ADAM10: variants seen among roughly 807,000 people sequenced by gnomAD.
The protein encoded by ADAM10 is disintegrin and metalloproteinase domain-containing protein 10.
A neutral mutation model predicts 90.1 loss-of-function variants in ADAM10; 17 were observed. The observed-to-expected ratio is 0.19, with a 90% CI of 0.13 to 0.28. The LOEUF is 0.28. Ranked by LOEUF, ADAM10 falls within the 10% of genes least tolerant of loss-of-function variation. The pLI, the probability that ADAM10 is intolerant of heterozygous loss-of-function variation, is 1.00. For synonymous variants in ADAM10, 310 were observed against 298.6 expected (o/e 1.04, Z -0.40); for missense variants, 610 against 914.3 (o/e 0.67, Z 4.29).
chr15:58,615,806 A>G (rs1356425497), intron 11 of ADAM10, among the ~76,000 whole-genome samples: 1 of 152,076 alleles, frequency 6.6e-6, no homozygotes, highest in Admixed American at 6.5e-5. Flanking sequence ...TCAGGAGTTC[A>G]AGACCAGCCT....
At position 58,657,975 on chromosome 15, in the gene ADAM10, C is replaced by G. The variant is rs556936518; in HGVS notation, c.585+7122G>C. Among the ~76,000 whole-genome samples, 4 of 151,494 alleles carry G rather than the reference C, an allele frequency of 2.6e-5. 1 individual carries two copies. The Middle Eastern group carries it at 0.014, about 519-fold the overall frequency. The stretch of plus-strand genomic sequence containing the variant: ...ATCAGAGACATTGTGGACATTTTCT[C>G]AGTCTGTGGCTTGTTTTCCTATTTT... On this transcript the variant is annotated intron_variant, in intron 5 of 15. Transcript: ENST00000260408.
chr15:58,723,247 T>A (rs1898916871), intron 1 of ADAM10, among the ~76,000 whole-genome samples: 1 of 151,340 alleles, frequency 6.6e-6, no homozygotes, highest in Admixed American at 6.6e-5. Flanking sequence ...AGAATGGGAG[T>A]CCTGGAATTC....
At chr15:58,634,314 A>AG (rs1896189146) in intron 8 of ADAM10, among the ~76,000 whole-genome samples, 1 of 147,732 alleles carries the variant, frequency 6.8e-6, no homozygotes, top group East Asian at 1.9e-4. Context: ...AAAAAAAAAA[A>AG]GAAGAAGAAT....
At chr15:58,644,597 G>A (rs765142403) in intron 6 of ADAM10, among the ~76,000 whole-genome samples, 7 of 152,004 alleles carry the variant, frequency 4.6e-5, no homozygotes, top group Non-Finnish European at 8.8e-5. Flanking sequence ...AACGTCACAC[G>A]TCCATTCCTT....
At chr15:58,621,393 A>T in intron 11 of ADAM10, 78 bp downstream of exon 11, 1 of 1,565,720 alleles carries the variant, frequency 6.4e-7, no homozygotes, top group South Asian at 1.1e-5. Context: ...GCATCTCTTA[A>T]TCTCAGTTTT....
intron 1 of ADAM10, among the ~76,000 whole-genome samples, chr15:58,731,098 T>C (rs553052498): frequency 1.1e-4 from 17 of 152,280 alleles, no homozygotes; most frequent in Admixed American, 7.8e-4. Flanking sequence ...ATTGGTTCTG[T>C]CTCTCTGGAA....
intron 5 of ADAM10, among the ~76,000 whole-genome samples, chr15:58,658,512 C>A (rs977250163): frequency 6.6e-6 from 1 of 152,098 alleles, no homozygotes; most frequent in Non-Finnish European, 1.5e-5. Context: ...CTTTTAGAAT[C>A]AGTTTGTCAA....
chr15:58,723,477 G>A (rs1175314347), intron 1 of ADAM10, among the ~76,000 whole-genome samples: 1 of 152,070 alleles, frequency 6.6e-6, no homozygotes, highest in African/African-American at 2.4e-5. Context: ...CTGAGGTCAG[G>A]AGTTTGAGAC....
chr15:58,746,741 T>C (rs1899804555), intron 1 of ADAM10, among the ~76,000 whole-genome samples: 1 of 152,120 alleles, frequency 6.6e-6, no homozygotes, highest in African/African-American at 2.4e-5. Context: ...TAAGACCCCA[T>C]CACTACTTTT....
chr15:58,721,350 A>G (rs1898845343), intron 1 of ADAM10, among the ~76,000 whole-genome samples: 1 of 152,118 alleles, frequency 6.6e-6, no homozygotes, highest in African/African-American at 2.4e-5. Context: ...AGTCCATCTC[A>G]TTATCATCTT....
chr15:58,702,457 C>T (rs1898162557), intron 2 of ADAM10, among the ~76,000 whole-genome samples: 2 of 152,120 alleles, frequency 1.3e-5, no homozygotes, highest in Admixed American at 6.5e-5. Flanking sequence ...AAAAAGAGGA[C>T]TTGAAATGTT....
chr15:58,739,470 T>C (rs1375768656), intron 1 of ADAM10, among the ~76,000 whole-genome samples: 5 of 151,852 alleles, frequency 3.3e-5, no homozygotes, highest in East Asian at 3.9e-4. Flanking sequence ...TGAGCCGAGA[T>C]AGCACCACTG....
intron 7 of ADAM10, among the ~76,000 whole-genome samples, chr15:58,641,658 C>A (rs1438938561): frequency 6.6e-6 from 1 of 152,238 alleles, no homozygotes; most frequent in Non-Finnish European, 1.5e-5. Flanking sequence ...ATAATCTGTT[C>A]TAATACCAGA....
intron 11 of ADAM10, among the ~76,000 whole-genome samples, chr15:58,620,658 G>A (rs1322954147): frequency 1.9e-5 from 1 of 51,630 alleles, no homozygotes; most frequent in Non-Finnish European, 2.7e-5. Context: ...TAAAGAATAT[G>A]TATTTTTTTT....
chr15:58,633,068 C>T (rs749464666), intron 9 of ADAM10, 128 bp downstream of exon 9: 11 of 888,174 alleles, frequency 1.2e-5, no homozygotes, highest in Non-Finnish European at 1.9e-5. Flanking sequence ...AAATACATTA[C>T]TGTGCTCTGA....
At chr15:58,670,564 A>G (rs1897169889) in intron 4 of ADAM10, among the ~76,000 whole-genome samples, 1 of 152,136 alleles carries the variant, frequency 6.6e-6, no homozygotes, top group Non-Finnish European at 1.5e-5. Context: ...AGCCATTTAA[A>G]GGAAAAATGT....
Position 58,594,797 on chromosome 15 carries a change from ATAAC to A in ADAM10, c.*2746_*2749del, listed in dbSNP as rs1462459315. ...TCAATCAATATTGAGAGTTTCATAA[ATAAC>A]TAAACATAATATACATTTGATGCTC... On this transcript the variant is annotated 3_prime_UTR_variant, in exon 16 of 16. Coordinates refer to ENST00000260408, the MANE Select transcript of ADAM10 (RefSeq NM_001110.4). 1.3e-5 allele frequency: 2 copies of A among 152,202 alleles called. No individual in the cohort carries two copies. The highest frequency in any genetic ancestry group is 2.4e-5 in the African/African-American group (1 of 41,458). 9.4% of individuals were successfully genotyped at this position (152,202 alleles called of 1,614,324 possible).
intron 5 of ADAM10, among the ~76,000 whole-genome samples, chr15:58,659,442 T>C (rs375392130): frequency 2.6e-5 from 4 of 152,278 alleles, no homozygotes; most frequent in East Asian, 3.9e-4. Context: ...AATTTGGCAA[T>C]GCTTTTTTAC....
In ADAM10 at chr15:58,703,965, C is replaced by G. The variant is rs193148354; in HGVS notation, c.206+13612G>C. On this transcript the variant is annotated intron_variant, in intron 2 of 15. Coordinates refer to ENST00000260408, the MANE Select transcript of ADAM10 (RefSeq NM_001110.4). The stretch of plus-strand genomic sequence containing the variant: ...GCAGGGGAGCACAGCTACCCATATA[C>G]CCTTGACCAAAGACCAGTCCTCCTC... The G allele has an allele frequency of 4.6e-3, 707 of 153,640 alleles. 2 individuals carry two copies. Among genetic ancestry groups the G allele is most frequent in the Non-Finnish European group, 7.2e-3 (498 of 68,904 alleles). 9.5% of individuals were successfully genotyped at this position (153,640 alleles called of 1,614,324 possible). A position where few individuals can be genotyped will look rare whatever the true frequency, so the allele number is the denominator to read the frequency against.
Sources: gnomAD v4.1 joint callset for allele counts (sites outside exome capture counted in the v4.1 genomes callset) on GRCh38, gnomAD v4.1.1 for gene constraint, MANE v1.5 for transcripts, NCBI Gene and HGNC (gene_info 2026-07-23, HGNC 2026-07-21) for gene names.